The following PCDHA6 variants were observed in gnomAD, a reference collection of about 807,000 sequenced individuals.
PCDHA6 encodes the protein protocadherin alpha-6.
Under a neutral mutation model 60.3 loss-of-function variants are expected in PCDHA6, and 55 were observed. The ratio of observed to expected loss-of-function variants is 0.91; its 90% confidence interval spans 0.73 to 1.14. The LOEUF (loss-of-function observed/expected upper bound fraction) is 1.14, where lower values mean the gene tolerates loss of function less well. Among genes scored for constraint, PCDHA6 ranks in the 50% most tolerant of loss-of-function variants. The pLI is 0.00. For synonymous variants in PCDHA6, 652 were observed against 557.9 expected (o/e 1.17, Z -2.38); for missense variants, 1,327 against 1,256.5 (o/e 1.06, Z -0.85).
At chr5:140,973,358 A>G (rs1450961086) in intron 1 of PCDHA6, among the ~76,000 whole-genome samples, 1 of 152,234 alleles carries the variant, frequency 6.6e-6, no homozygotes, top group Non-Finnish European at 1.5e-5. Flanking sequence ...GTGAATTTAT[A>G]AAAATTGCAC....
chr5:140,969,826 A>G (rs782339572), intron 1 of PCDHA6, among the ~76,000 whole-genome samples: 24 of 152,344 alleles, frequency 1.6e-4, no homozygotes, highest in Middle Eastern at 3.4e-3. Flanking sequence ...TGGACTGTCT[A>G]CAGTGGAAAT....
At position 140,836,922 on chromosome 5, in the gene PCDHA6, A is replaced by T; in HGVS notation, c.2394+6437A>T. On this transcript the variant is annotated intron_variant, in intron 1 of 3. Coordinates refer to ENST00000529310, the MANE Select transcript of PCDHA6 (RefSeq NM_018909.4). ...GTTTAATATACACTTTTGTTTTGGGATGCGTAATACTATAGATCAAAATCT... is the reference window on the plus strand; with the variant it reads ...GTTTAATATACACTTTTGTTTTGGGTTGCGTAATACTATAGATCAAAATCT... The T allele has an allele frequency of 5.6e-6, 3 of 537,660 alleles. No homozygotes were observed. In the South Asian group the frequency reaches 9.2e-5, roughly 16 times the overall value. 33.3% of individuals were successfully genotyped at this position (537,660 alleles called of 1,614,324 possible). A position where few individuals can be genotyped will look rare whatever the true frequency, so the allele number is the denominator to read the frequency against.
rs2150151529 is a variant in PCDHA6 at position 140,828,158 on chromosome 5, G to A, written c.67G>A (p.Ala23Thr). ...GCTCCTCCCGCTTCTGCTCCTCGCAGCCTGGAAGGTGGGGAGCGGCCAGCT... is the reference window on the plus strand; with the variant it reads ...GCTCCTCCCGCTTCTGCTCCTCGCAACCTGGAAGGTGGGGAGCGGCCAGCT... ...CLLLPLLLLA[A>T]WKVGSGQLHY... Residue 23 changes from alanine to threonine, a missense_variant, in exon 1 of 4, where the codon GCC becomes ACC. By Grantham distance (58) the Ala-to-Thr change is moderately conservative. Transcript: ENST00000529310. 4 of 1,614,202 alleles carry A rather than the reference G, an allele frequency of 2.5e-6. No individual in the cohort carries two copies. In the East Asian group the frequency reaches 8.9e-5, roughly 36 times the overall value.
intron 1 of PCDHA6, chr5:140,858,585 T>G: frequency 7.4e-7 from 1 of 1,345,266 alleles, no homozygotes. Flanking sequence ...GTAATATAAT[T>G]TATTCCAGGA....
At chr5:140,928,666 T>C in intron 1 of PCDHA6, 8 of 1,614,212 alleles carry the variant, frequency 5.0e-6, no homozygotes, top group Non-Finnish European at 6.8e-6. Context: ...TGACAGTGGT[T>C]CTAATGCCTG....
chr5:140,987,277 A>C (rs1326809190), intron 3 of PCDHA6, among the ~76,000 whole-genome samples: 2 of 152,122 alleles, frequency 1.3e-5, no homozygotes, highest in African/African-American at 4.8e-5. Flanking sequence ...CCGGCAGTCT[A>C]TGTTTTAACA....
chr5:140,832,550 C>T (rs2150202230), intron 1 of PCDHA6, among the ~76,000 whole-genome samples: 4 of 152,164 alleles, frequency 2.6e-5, no homozygotes, highest in South Asian at 2.1e-4. Flanking sequence ...CTAATGATAT[C>T]TAACAGCCTC....
At chr5:140,894,068 A>G (rs2064306594) in intron 1 of PCDHA6, among the ~76,000 whole-genome samples, 1 of 152,160 alleles carries the variant, frequency 6.6e-6, no homozygotes, top group Non-Finnish European at 1.5e-5. Context: ...TTTTAAATAC[A>G]TTTATTTTAT....
At chr5:140,933,928 T>G (rs1055877190) in intron 1 of PCDHA6, among the ~76,000 whole-genome samples, 1 of 152,080 alleles carries the variant, frequency 6.6e-6, no homozygotes, top group Non-Finnish European at 1.5e-5. Flanking sequence ...TGTCCTGTTG[T>G]GACTTTTTTT....
At chr5:140,835,676 C>T (rs1554135187) in intron 1 of PCDHA6, 1 of 1,613,896 alleles carries the variant, frequency 6.2e-7, no homozygotes. Flanking sequence ...GGGACGGGGG[C>T]TCGCCTTCTC....
At chr5:140,971,527 A>G (rs116818549) in intron 1 of PCDHA6, among the ~76,000 whole-genome samples, 2,035 of 152,284 alleles carry the variant, frequency 0.013, 20 homozygotes, top group Middle Eastern at 0.054. Context: ...CAGTTCTGAA[A>G]GTCATCATTG....
chr5:140,831,031 G>A (rs10038174), intron 1 of PCDHA6: 88,595 of 152,032 alleles, frequency 0.58, 26,556 homozygotes, highest in African/African-American at 0.72. Context: ...TTGTGATTCC[G>A]GGAGGCAATA....
intron 1 of PCDHA6, chr5:140,841,170 T>G: frequency 1.0e-6 from 1 of 982,276 alleles, no homozygotes; most frequent in Non-Finnish European, 1.5e-6. Context: ...AAGTTCTGGT[T>G]GGTCAATGTT....
rs1469484046 is a variant in PCDHA6 at position 141,010,169 on chromosome 5, C to G, written c.*232C>G. ...CTCCACTCTGGCTTGTTTTCAGAAC[C>G]TAAAAAGCAGACCCAAGTTTCCTTT... On this transcript the variant is annotated 3_prime_UTR_variant, in exon 4 of 4. Coordinates refer to ENST00000529310, the MANE Select transcript of PCDHA6 (RefSeq NM_018909.4). 6.4e-7 allele frequency: 1 copy of G among 1,560,124 alleles called. No homozygotes were observed. The highest frequency in any genetic ancestry group is 8.7e-7 in the Non-Finnish European group (1 of 1,151,276).
At chr5:141,003,046 A>C (rs530303478) in intron 3 of PCDHA6, among the ~76,000 whole-genome samples, 76 of 152,356 alleles carry the variant, frequency 5.0e-4, no homozygotes, top group African/African-American at 1.8e-3. Context: ...TCCTGGCCTT[A>C]ACAGAACAGT....
At position 140,857,550 on chromosome 5, in the gene PCDHA6, G is replaced by A; in HGVS notation, c.2394+27065G>A. 4 of 1,596,852 alleles carry A rather than the reference G, an allele frequency of 2.5e-6. 1 individual carries two copies. The highest frequency in any genetic ancestry group is 3.4e-6 in the Non-Finnish European group (4 of 1,167,652). On this transcript the variant is annotated intron_variant, in intron 1 of 3. Coordinates refer to ENST00000529310, the MANE Select transcript of PCDHA6 (RefSeq NM_018909.4). ...CTGGTGGAGCGGCGGTTGGGCGAGC[G>A]CTCGCTGTCGAGCTACGTGTCGGTG...
At chr5:140,874,397 T>A (rs1447759550) in intron 1 of PCDHA6, among the ~76,000 whole-genome samples, 3 of 152,230 alleles carry the variant, frequency 2.0e-5, no homozygotes, top group African/African-American at 7.2e-5. Flanking sequence ...CCCCCTTGCA[T>A]AACAGTCACC....
At chr5:140,890,596 C>T (rs1236261988) in intron 1 of PCDHA6, among the ~76,000 whole-genome samples, 5 of 152,064 alleles carry the variant, frequency 3.3e-5, no homozygotes, top group African/African-American at 1.2e-4. Context: ...AGCCCTTTTC[C>T]GAATAGCTAG....
intron 1 of PCDHA6, chr5:140,882,750 A>G (rs781948584): frequency 1.9e-5 from 30 of 1,614,128 alleles, no homozygotes; most frequent in Non-Finnish European, 2.4e-5. Context: ...TCCGATGCAG[A>G]TATTGGAGTA....
Sources: allele counts gnomAD v4.1 joint callset (sites outside exome capture counted in the v4.1 genomes callset), GRCh38; gene constraint gnomAD v4.1.1; transcripts MANE v1.5; gene names NCBI Gene and HGNC (gene_info 2026-07-23, HGNC 2026-07-21).